The following MMRN1 variants were observed in gnomAD, a reference collection of about 807,000 sequenced individuals.
MMRN1 encodes multimerin 1.
Under a neutral mutation model 100.7 loss-of-function variants are expected in MMRN1, and 94 were observed. That is an observed-to-expected ratio of 0.93 (90% CI 0.79 to 1.11). The LOEUF is 1.11. MMRN1 is among the 50% of genes least tolerant of loss of function. MMRN1 has a pLI of 0.00. For missense variants in MMRN1, 1,606 were observed against 1,439.1 expected (o/e 1.12, Z -1.88); for synonymous variants, 575 against 505.0 (o/e 1.14, Z -1.86).
Position 89,935,046 on chromosome 4 carries a change from A to G in MMRN1, c.1366A>G (p.Ile456Val), listed in dbSNP as rs1722562226. ...AGAGAATCGGCCCACTTTGACTGAT[A>G]TAGTGGAACTAAGGAATCACATTGT... ...VQENRPTLTD[I>V]VELRNHIVNV... Residue 456 changes from isoleucine to valine, a missense_variant, in exon 6 of 8, where the codon ATA becomes GTA. Transcript: ENST00000264790. 8 of 1,613,588 alleles carry G rather than the reference A, an allele frequency of 5.0e-6. No homozygotes were observed. Among genetic ancestry groups the G allele is most frequent in the Non-Finnish European group, 6.8e-6 (8 of 1,179,790 alleles).
In MMRN1 at chr4:89,952,855, G is replaced by A. The variant is rs1578509785; in HGVS notation, c.3266-142G>A. 5 of 724,216 alleles carry A rather than the reference G, an allele frequency of 6.9e-6. No individual in the cohort carries two copies. In the East Asian group the frequency reaches 8.2e-5, roughly 12 times the overall value. 44.9% of individuals were successfully genotyped at this position (724,216 alleles called of 1,614,324 possible). ...AGAGAAGAGACAGGCATTGAGACAC[G>A]TGCACCTTTGCTAAGTTTGATGGAT... On this transcript the variant is annotated intron_variant, in intron 7 of 7. Coordinates refer to ENST00000264790, the MANE Select transcript of MMRN1 (RefSeq NM_007351.3).
chr4:89,937,616 GGCC>G, intron 6 of MMRN1, among the ~76,000 whole-genome samples: 1 of 152,136 alleles, frequency 6.6e-6, no homozygotes, highest in Middle Eastern at 3.4e-3. Context: ...CACCTCTCTA[GGCC>G]TTAGTTTCTT....
At chr4:89,927,305 A>G (rs1421428382) in intron 4 of MMRN1, among the ~76,000 whole-genome samples, 1 of 152,014 alleles carries the variant, frequency 6.6e-6, no homozygotes, top group East Asian at 1.9e-4. Flanking sequence ...TTAGTGTTTT[A>G]TAGTTTTCAT....
chr4:89,899,671 A>C (rs1443505221), intron 1 of MMRN1, among the ~76,000 whole-genome samples: 1 of 152,094 alleles, frequency 6.6e-6, no homozygotes, highest in African/African-American at 2.4e-5. Context: ...ACCCCTGTAC[A>C]CATGTATCTT....
rs771992696 is a variant in MMRN1, at chr4:89,951,652, T to C, written c.3166T>C (p.Cys1056Arg). The change falls in exon 7 of 8, where the codon TGC becomes CGC. Residue 1056 changes from cysteine (C) to arginine (R), a missense_variant. Coordinates refer to ENST00000264790, the MANE Select transcript of MMRN1 (RefSeq NM_007351.3). ...SRHPCQNGGT[C>R]INGRTSFTCA... is the part of the protein sequence containing the mutation. ...GCATCCGTGCCAAAATGGGGGCACG[T>C]GCATAAATGGAAGAACTAGCTTTAC... The C allele has an allele frequency of 1.9e-6, 3 of 1,571,014 alleles. No individual in the cohort carries two copies. The highest frequency in any genetic ancestry group is 2.6e-6 in the Non-Finnish European group (3 of 1,164,140).
chr4:89,891,549 A>G (rs1411638436), upstream of MMRN1, among the ~76,000 whole-genome samples: 1 of 152,144 alleles, frequency 6.6e-6, no homozygotes. Flanking sequence ...AGAATTAAAT[A>G]ATATGCCAAA....
At chr4:89,924,942 A>C (rs1322469286) in intron 4 of MMRN1, among the ~76,000 whole-genome samples, 2 of 152,164 alleles carry the variant, frequency 1.3e-5, no homozygotes, top group Admixed American at 1.3e-4. Context: ...ATACAGGTAC[A>C]CAATGTGTAA....
chr4:89,936,839 A>T, intron 6 of MMRN1, 41 bp downstream of exon 6: 1 of 1,509,714 alleles, frequency 6.6e-7, no homozygotes, highest in Non-Finnish European at 8.8e-7. Flanking sequence ...CTCTCTTTTT[A>T]CTTAAATGAT....
chr4:89,940,544 T>C lies in MMRN1; in HGVS notation c.3118+3746T>C, dbSNP rs1284497218. On this transcript the variant is annotated intron_variant, in intron 6 of 7. Transcript: ENST00000264790. Reference sequence around the variant, plus strand: ...CATTTCTAAATTTTGTGACTCTGCATAGAGGCAGCTGTGATGACTAATGAG... The same window carrying C: ...CATTTCTAAATTTTGTGACTCTGCACAGAGGCAGCTGTGATGACTAATGAG... Among the ~76,000 whole-genome samples, 6 of 152,122 alleles carry C rather than the reference T, an allele frequency of 3.9e-5. No individual in the cohort carries two copies. In the East Asian group the frequency reaches 1.2e-3, roughly 29 times the overall value.
rs1722739524 is a variant in MMRN1 at position 89,938,967 on chromosome 4, A to C, written c.3118+2169A>C. Among the ~76,000 whole-genome samples the C allele has an allele frequency of 2.6e-5, 4 of 152,156 alleles. No individual in the cohort carries two copies. The South Asian group carries it at 8.3e-4, about 32-fold the overall frequency. On this transcript the variant is annotated intron_variant, in intron 6 of 7. Coordinates refer to ENST00000264790, the MANE Select transcript of MMRN1 (RefSeq NM_007351.3). ...CAACATAATGTATGGGACCCTTTTA[A>C]GTGGTTGCATAGGTTTGCATGCCCA...
chr4:89,952,997 AT>A lies in MMRN1; in HGVS notation c.3271del (p.Ser1091ProfsTer21). 6.4e-7 allele frequency: 1 copy of A among 1,555,038 alleles called. No individual in the cohort carries two copies. Among genetic ancestry groups the A allele is most frequent in the Non-Finnish European group, 8.7e-7 (1 of 1,151,400 alleles). ...KLVEENALAP[D>X]FSKGSYRYAP... is the part of the protein sequence containing the mutation. ...CTCTTGCCATTTTTTCCTCTAACAGATTTTTCCAAAGGATCTTACAGATATG... is the reference window on the plus strand; with the variant it reads ...CTCTTGCCATTTTTTCCTCTAACAGATTTTCCAAAGGATCTTACAGATATG... On this transcript the variant is annotated frameshift_variant and splice_region_variant, in exon 8 of 8. Transcript: ENST00000264790. LOFTEE classifies it high-confidence loss of function.
At chr4:89,917,257 A>G (rs1256646224) in intron 3 of MMRN1, among the ~76,000 whole-genome samples, 1 of 151,902 alleles carries the variant, frequency 6.6e-6, no homozygotes, top group East Asian at 1.9e-4. Flanking sequence ...CCTGATTACA[A>G]TTCCATTATA....
intron 3 of MMRN1, among the ~76,000 whole-genome samples, chr4:89,921,916 G>A (rs1321336315): frequency 6.6e-6 from 1 of 152,124 alleles, no homozygotes; most frequent in Non-Finnish European, 1.5e-5. Context: ...ATGTGCCAGA[G>A]ATGCAGAGTT....
At chr4:89,909,491 T>C (rs1162090219) in intron 2 of MMRN1, 96 bp downstream of exon 2, 2 of 1,450,142 alleles carry the variant, frequency 1.4e-6, no homozygotes, top group Non-Finnish European at 1.9e-6. Flanking sequence ...ACATAATACA[T>C]AGTAGGGTCA....
At chr4:89,916,190 A>T (rs1252465684) in intron 3 of MMRN1, among the ~76,000 whole-genome samples, 1 of 151,556 alleles carries the variant, frequency 6.6e-6, no homozygotes, top group Non-Finnish European at 1.5e-5. Flanking sequence ...AGATAACATA[A>T]ACTATTGAAT....
chr4:89,908,342 G>A (rs1721635495), intron 1 of MMRN1, among the ~76,000 whole-genome samples: 1 of 151,188 alleles, frequency 6.6e-6, no homozygotes, highest in Non-Finnish European at 1.5e-5. Flanking sequence ...TATAGCCAGG[G>A]ACAAAATTCT....
chr4:89,922,210 C>A (rs1348744353), intron 3 of MMRN1, among the ~76,000 whole-genome samples: 1 of 151,992 alleles, frequency 6.6e-6, no homozygotes, highest in East Asian at 1.9e-4. Flanking sequence ...GTTCAATAGA[C>A]TCTCCTGCCT....
chr4:89,884,342 T>C (rs6839608), intron 1 of MMRN1, among the ~76,000 whole-genome samples: 88,462 of 151,542 alleles, frequency 0.58, 26,416 homozygotes, highest in East Asian at 0.78. Context: ...TTGGCATATT[T>C]ACTTATTCGG....
intron 1 of MMRN1, among the ~76,000 whole-genome samples, chr4:89,905,274 T>C (rs1324112040): frequency 6.6e-6 from 1 of 151,472 alleles, no homozygotes; most frequent in Admixed American, 6.6e-5. Context: ...TTTTGTTTGG[T>C]TGTATTTTCA....
Sources: allele counts gnomAD v4.1 joint callset (sites outside exome capture counted in the v4.1 genomes callset), GRCh38; gene constraint gnomAD v4.1.1; transcripts MANE v1.5; gene names NCBI Gene and HGNC (gene_info 2026-07-23, HGNC 2026-07-21).